BEND6: variants seen among roughly 807,000 people sequenced by gnomAD.
BEND6 encodes the protein BEN domain-containing protein 6.
BEND6 carries 24 observed loss-of-function variants against 31.8 expected under a neutral mutation model. The observed-to-expected ratio is 0.75, with a 90% CI of 0.55 to 1.06. The LOEUF is 1.06. Ranked by LOEUF, BEND6 falls within the 50% of genes least tolerant of loss-of-function variation. The probability of loss-of-function intolerance (pLI) is 0.00; values close to 1 mark genes in which losing one functional copy is unlikely to be tolerated. For synonymous variants in BEND6, 109 were observed against 114.6 expected, an observed-to-expected ratio of 0.95 and a Z score of 0.31; for missense variants, 294 against 327.4, an observed-to-expected ratio of 0.90 and a Z score of 0.79.
intron 1 of BEND6, among the ~76,000 whole-genome samples, chr6:56,969,624 A>T (rs1825619132): frequency 6.6e-6 from 1 of 152,178 alleles, no homozygotes; most frequent in East Asian, 1.9e-4. Context: ...TTGCCTTTCA[A>T]AATTTTAATA....
chr6:56,961,617 A>G (rs905693535), intron 1 of BEND6, among the ~76,000 whole-genome samples: 2 of 152,240 alleles, frequency 1.3e-5, no homozygotes, highest in Non-Finnish European at 2.9e-5. Flanking sequence ...TTCCAAGCCA[A>G]TAGGACTAGT....
chr6:57,023,053 T>TCTC (rs1827800573), intron 6 of BEND6, among the ~76,000 whole-genome samples: 1 of 152,210 alleles, frequency 6.6e-6, no homozygotes, highest in African/African-American at 2.4e-5. Flanking sequence ...TATAGCCTAT[T>TCTC]CTGGAGAACG....
At chr6:56,958,809 G>T (rs893616776) in intron 1 of BEND6, among the ~76,000 whole-genome samples, 1 of 152,178 alleles carries the variant, frequency 6.6e-6, no homozygotes, top group African/African-American at 2.4e-5. Flanking sequence ...TCTAAGGAGG[G>T]CAAGGACTGA....
intron 3 of BEND6, among the ~76,000 whole-genome samples, chr6:57,006,616 T>A (rs1273578531): frequency 6.6e-6 from 1 of 152,248 alleles, no homozygotes; most frequent in Non-Finnish European, 1.5e-5. Flanking sequence ...TGGGAAGTAC[T>A]GGTTTGAACA....
intron 1 of BEND6, among the ~76,000 whole-genome samples, chr6:56,956,048 T>C (rs1459725369): frequency 2.6e-5 from 4 of 152,246 alleles, no homozygotes; most frequent in African/African-American, 9.6e-5. Flanking sequence ...CAGCAGTCAT[T>C]CTGCGGCATC....
chr6:56,962,215 A>C (rs938564937), intron 1 of BEND6, among the ~76,000 whole-genome samples: 10 of 152,230 alleles, frequency 6.6e-5, no homozygotes, highest in African/African-American at 2.4e-4. Flanking sequence ...ACTGCAAGCC[A>C]GTAAATTTCT....
chr6:57,014,480 C>G (rs919074516), intron 3 of BEND6: 4 of 1,522,058 alleles, frequency 2.6e-6, no homozygotes, highest in Non-Finnish European at 3.5e-6. Context: ...CTAGATATAA[C>G]AACAGAGAAG....
At chr6:56,975,202 G>A (rs750984389) in intron 1 of BEND6, among the ~76,000 whole-genome samples, 3 of 152,250 alleles carry the variant, frequency 2.0e-5, no homozygotes, top group Non-Finnish European at 4.4e-5. Context: ...CTCAGCCTAT[G>A]GAATCTTGCT....
intron 3 of BEND6, among the ~76,000 whole-genome samples, chr6:57,002,487 CA>C (rs1234730870): frequency 2.0e-5 from 3 of 151,988 alleles, no homozygotes; most frequent in South Asian, 2.1e-4. Flanking sequence ...TCAATAAATT[CA>C]AAAAAATTGA....
intron 3 of BEND6, among the ~76,000 whole-genome samples, chr6:57,003,320 C>G (rs567244339): frequency 1.3e-5 from 2 of 152,166 alleles, no homozygotes; most frequent in South Asian, 4.2e-4. Context: ...GGCAACAACA[C>G]AAGACCTTAT....
chr6:56,983,882 A>G (rs1826154567), intron 2 of BEND6, among the ~76,000 whole-genome samples: 2 of 152,136 alleles, frequency 1.3e-5, no homozygotes, highest in African/African-American at 4.8e-5. Context: ...TCTTGCTACC[A>G]CAAACAATGA....
At position 57,015,340 on chromosome 6, in the gene BEND6, C is replaced by A; in HGVS notation, c.506C>A (p.Thr169Asn). The A allele has an allele frequency of 1.2e-6, 2 of 1,613,280 alleles. No homozygotes were observed. Among genetic ancestry groups the A allele is most frequent in the South Asian group, 2.2e-5 (2 of 91,050 alleles). The stretch of plus-strand genomic sequence containing the variant: ...TTAAAGCCTGAGGAAGAGCATCAGA[C>A]TGATGAGAAACAGGTCAGTTGTAAT... Reference protein sequence around the residue: ...VSLKPEEEHQTDEKQFQIEKW... With the variant: ...VSLKPEEEHQNDEKQFQIEKW... Residue 169 changes from threonine (T) to asparagine (N), a missense_variant, in exon 4 of 7, where the codon ACT becomes AAT. By Grantham distance (65) the Thr-to-Asn change is moderately conservative. Coordinates refer to ENST00000370746, the MANE Select transcript of BEND6 (RefSeq NM_152731.3).
At chr6:56,975,919 A>T (rs889495953) in intron 1 of BEND6, 2 of 531,800 alleles carry the variant, frequency 3.8e-6, no homozygotes, top group African/African-American at 3.9e-5. Context: ...TTATTCCTCC[A>T]GTGGTGAGGA....
Position 56,981,694 on chromosome 6 carries a change from T to C in BEND6, c.-100-17T>C, listed in dbSNP as rs1826075142. On this transcript the variant is annotated splice_polypyrimidine_tract_variant and intron_variant, in intron 1 of 6. Coordinates refer to ENST00000370746, the MANE Select transcript of BEND6 (RefSeq NM_152731.3). ...TGTGAATATGTTATGTGTCATGTTT[T>C]TGTTTTTGTTTTTAAGGGAAAGCAT... 1 of 1,164,862 alleles carries C rather than the reference T, an allele frequency of 8.6e-7. No homozygotes were observed. Among genetic ancestry groups the C allele is most frequent in the East Asian group, 2.5e-5 (1 of 40,400 alleles). 72.2% of individuals were successfully genotyped at this position (1,164,862 alleles called of 1,614,324 possible). A position where few individuals can be genotyped will look rare whatever the true frequency, so the allele number is the denominator to read the frequency against.
At chr6:57,013,280 G>A (rs912867085) in intron 3 of BEND6, among the ~76,000 whole-genome samples, 5 of 152,174 alleles carry the variant, frequency 3.3e-5, no homozygotes, top group Admixed American at 6.5e-5. Context: ...TACAAGGAAA[G>A]GATACAAATT....
In BEND6 at chr6:56,959,182, T is replaced by C. The variant is rs1457299489; in HGVS notation, c.-101+3722T>C. The stretch of plus-strand genomic sequence containing the variant: ...GAGTCCCCCCAACAGACTAGCTCTT[T>C]CTGGTCTCAGGTTGCTTTAGACTCT... On this transcript the variant is annotated intron_variant, in intron 1 of 6. Transcript: ENST00000370746. 2.0e-5 allele frequency among the ~76,000 whole-genome samples: 3 copies of C among 152,338 alleles called. No individual in the cohort carries two copies. The East Asian group carries it at 5.8e-4, about 29-fold the overall frequency.
At chr6:56,989,163 A>G (rs190699744) in intron 2 of BEND6, among the ~76,000 whole-genome samples, 1 of 151,242 alleles carries the variant, frequency 6.6e-6, no homozygotes, top group East Asian at 1.9e-4. Context: ...TATGTGATAT[A>G]TAATCTATAT....
chr6:56,975,755 C>T (rs9396245), intron 1 of BEND6: 33,476 of 517,600 alleles, frequency 0.065, 1,512 homozygotes, highest in East Asian at 0.16. Context: ...GATTATGAAA[C>T]GTAAACCTCC....
At chr6:56,974,588 G>A (rs1825808198) in intron 1 of BEND6, among the ~76,000 whole-genome samples, 1 of 152,166 alleles carries the variant, frequency 6.6e-6, no homozygotes, top group African/African-American at 2.4e-5. Flanking sequence ...TAGTGACAGA[G>A]ACCATATGGG....
Sources: gnomAD v4.1 joint callset for allele counts (sites outside exome capture counted in the v4.1 genomes callset) on GRCh38, gnomAD v4.1.1 for gene constraint, MANE v1.5 for transcripts, NCBI Gene and HGNC (gene_info 2026-07-23, HGNC 2026-07-21) for gene names.